Variants in BFSP1 observed in about 807,000 individuals in gnomAD.
BFSP1 encodes the protein beaded filament structural protein 1.
Under a neutral mutation model 43.9 loss-of-function variants are expected in BFSP1, and 38 were observed. The observed-to-expected ratio is 0.87, with a 90% CI of 0.67 to 1.14. The LOEUF is 1.14. BFSP1 is among the 50% of genes most tolerant of loss of function. BFSP1 has a pLI of 0.00. For synonymous variants in BFSP1, 352 were observed against 354.8 expected, an observed-to-expected ratio of 0.99 and a Z score of 0.09; for missense variants, 850 against 875.1, an observed-to-expected ratio of 0.97 and a Z score of 0.36.
chr20:17,530,418 G>A (rs997543697), intron 1 of BFSP1, among the ~76,000 whole-genome samples: 1 of 152,224 alleles, frequency 6.6e-6, no homozygotes, highest in East Asian at 1.9e-4. Context: ...AATAACATCG[G>A]TACATCTCAA....
intron 1 of BFSP1, among the ~76,000 whole-genome samples, chr20:17,528,717 T>A (rs990768462): frequency 6.6e-6 from 1 of 152,194 alleles, no homozygotes; most frequent in African/African-American, 2.4e-5. Flanking sequence ...TCAGGTCCCT[T>A]CTACCAGCTC....
intron 1 of BFSP1, among the ~76,000 whole-genome samples, chr20:17,545,093 A>G (rs1392872475): frequency 6.6e-6 from 1 of 152,256 alleles, no homozygotes; most frequent in Non-Finnish European, 1.5e-5. Context: ...ACATGAGGAC[A>G]AAAGAGTTTT....
intron 1 of BFSP1, chr20:17,541,291 T>C: frequency 1.0e-6 from 1 of 982,454 alleles, no homozygotes; most frequent in Non-Finnish European, 1.2e-6. Context: ...CATGAAACTC[T>C]TAAATGGGAA....
intron 1 of BFSP1, among the ~76,000 whole-genome samples, chr20:17,564,047 T>C (rs1469815199): frequency 1.3e-5 from 2 of 151,888 alleles, no homozygotes; most frequent in African/African-American, 4.8e-5. Flanking sequence ...AGTATAGAAA[T>C]TGGGGCCAGG....
intron 1 of BFSP1, among the ~76,000 whole-genome samples, chr20:17,540,674 C>T (rs73256662): frequency 8.3e-4 from 126 of 152,240 alleles, no homozygotes; most frequent in African/African-American, 2.9e-3. Context: ...CTCTCTAAAA[C>T]GCTGAAAGCC....
In BFSP1 at chr20:17,498,906, G is replaced by T. The variant is rs199579980; in HGVS notation, c.870C>A (p.Tyr290Ter). Reference protein sequence around the residue: ...ETERVLEKSSYDCRQLAVAQQ... With the variant: ...ETERVLEKSS ...GGGCGACCGCCAGCTGCCGGCAGTC[G>T]TAAGAAGACTTCTCCAGGACCCGCT... The change falls in exon 6 of 8, where the codon TAC becomes TAA. Residue 290 changes from tyrosine to a stop codon, truncating the protein, a stop_gained. Coordinates refer to ENST00000377873, the MANE Select transcript of BFSP1 (RefSeq NM_001195.5). LOFTEE classifies it high-confidence loss of function. The T allele has an allele frequency of 1.9e-6, 3 of 1,614,016 alleles. No individual in the cohort carries two copies. The African/African-American group carries it at 4.0e-5, about 22-fold the overall frequency.
At chr20:17,509,040 A>G in intron 4 of BFSP1, 44 bp from the exon 5 acceptor site, 2 of 1,437,382 alleles carry the variant, frequency 1.4e-6, no homozygotes, top group Non-Finnish European at 1.9e-6. Flanking sequence ...ACATGCAGAG[A>G]GGAAAAGGGC....
upstream of BFSP1, among the ~76,000 whole-genome samples, chr20:17,561,382 C>G (rs6080736): frequency 0.56 from 84,961 of 151,830 alleles, 26,072 homozygotes; most frequent in Middle Eastern, 0.73. Flanking sequence ...GCCTGTAATC[C>G]CAGCTACTCG....
At chr20:17,514,436 T>G (rs2034155065) in intron 3 of BFSP1, among the ~76,000 whole-genome samples, 1 of 152,220 alleles carries the variant, frequency 6.6e-6, no homozygotes, top group Admixed American at 6.5e-5. Flanking sequence ...TGTAGCTTAA[T>G]GAAGACAGAT....
At position 17,530,934 on chromosome 20, in the gene BFSP1, C is replaced by G; in HGVS notation, c.377+19G>C. ...CGGCCCACGCCCTGCCTCGGTTTCC[C>G]CCGATGGCCGCCGCTTACTTGCTTC... is the stretch of plus-strand genomic sequence containing the variant. On this transcript the variant is annotated intron_variant, in intron 1 of 7. Coordinates refer to ENST00000377873, the MANE Select transcript of BFSP1 (RefSeq NM_001195.5). The G allele has an allele frequency of 7.1e-7, 1 of 1,401,156 alleles. No homozygotes were observed. Among genetic ancestry groups the G allele is most frequent in the South Asian group, 1.5e-5 (1 of 65,146 alleles). 86.8% of individuals were successfully genotyped at this position (1,401,156 alleles called of 1,614,324 possible). A position where few individuals can be genotyped will look rare whatever the true frequency, so the allele number is the denominator to read the frequency against.
At position 17,524,927 on chromosome 20, in the gene BFSP1, A is replaced by C; in HGVS notation, c.378-19T>G. 1 of 1,606,964 alleles carries C rather than the reference A, an allele frequency of 6.2e-7. No individual in the cohort carries two copies. Among genetic ancestry groups the C allele is most frequent in the Non-Finnish European group, 8.5e-7 (1 of 1,173,458 alleles). ...TTCATACCTGCAAATTGGACACATA[A>C]GTGAGAGTTGGGTAACTACCATGCT... On this transcript the variant is annotated intron_variant, in intron 1 of 7. Coordinates refer to ENST00000377873, the MANE Select transcript of BFSP1 (RefSeq NM_001195.5).
At chr20:17,533,592 T>C (rs2034583334), upstream of BFSP1, among the ~76,000 whole-genome samples, 1 of 152,132 alleles carries the variant, frequency 6.6e-6, no homozygotes, top group Admixed American at 6.5e-5. Flanking sequence ...TTTGTTTGCA[T>C]CATGTCTGCT....
upstream of BFSP1, among the ~76,000 whole-genome samples, chr20:17,562,650 A>G (rs886816719): frequency 4.6e-5 from 7 of 152,092 alleles, no homozygotes; most frequent in African/African-American, 1.7e-4. Context: ...TGTTTAACTC[A>G]AGAAGCATGC....
chr20:17,516,991 T>G, intron 2 of BFSP1: 1 of 763,102 alleles, frequency 1.3e-6, no homozygotes, highest in East Asian at 2.4e-5. Context: ...AGCAAGCAAC[T>G]GGAGGATGGA....
intron 1 of BFSP1, among the ~76,000 whole-genome samples, chr20:17,551,570 A>C (rs1231700243): frequency 6.6e-6 from 1 of 151,986 alleles, no homozygotes; most frequent in Non-Finnish European, 1.5e-5. Flanking sequence ...TCACATCTGT[A>C]CCTGAAATCA....
chr20:17,558,519 T>C (rs565638562), intron 1 of BFSP1, among the ~76,000 whole-genome samples: 4 of 152,354 alleles, frequency 2.6e-5, no homozygotes, highest in African/African-American at 9.6e-5. Flanking sequence ...TATGTCAGAC[T>C]ACTACTGAGC....
At chr20:17,530,927 G>T (rs1227364056) in intron 1 of BFSP1, 26 bp downstream of exon 1, 15 of 1,388,786 alleles carry the variant, frequency 1.1e-5, no homozygotes, top group Non-Finnish European at 1.4e-5. Context: ...GCCCTGCCTC[G>T]GTTTCCCCCG....
rs187494755 is a variant in BFSP1, at chr20:17,557,694, T to C, written c.2+994A>G. Among the ~76,000 whole-genome samples, 371 of 152,354 alleles carry C rather than the reference T, an allele frequency of 2.4e-3. 3 individuals carry two copies. Among genetic ancestry groups the C allele is most frequent in the Non-Finnish European group, 4.2e-3 (287 of 68,036 alleles). On this transcript the variant is annotated intron_variant, in intron 1 of 7. Coordinates refer to the BFSP1 transcript ENST00000377868. ...GAAGCATAGAATTGTAGCCTGAGTC[T>C]TTCCTCAGTTTATTTTGTGATTGAT...
At chr20:17,510,850 C>G (rs1388492164) in intron 4 of BFSP1, among the ~76,000 whole-genome samples, 1 of 152,224 alleles carries the variant, frequency 6.6e-6, no homozygotes, top group East Asian at 1.9e-4. Flanking sequence ...CAAAAAGACC[C>G]AGAACCTTAT....
Sources: allele counts gnomAD v4.1 joint callset (sites outside exome capture counted in the v4.1 genomes callset), GRCh38; gene constraint gnomAD v4.1.1; transcripts MANE v1.5; gene names NCBI Gene and HGNC (gene_info 2026-07-23, HGNC 2026-07-21).